The following FHAD1 variants were observed in gnomAD, a reference collection of about 807,000 sequenced individuals.
FHAD1 encodes the protein forkhead-associated domain-containing protein 1.
In FHAD1, 146 loss-of-function variants were observed where a neutral mutation model predicts 191.3. The ratio of observed to expected loss-of-function variants is 0.76; its 90% confidence interval spans 0.67 to 0.88. The LOEUF (loss-of-function observed/expected upper bound fraction) is 0.88, where lower values mean the gene tolerates loss of function less well. FHAD1 is among the 40% of genes least tolerant of loss of function. The pLI, the probability that FHAD1 is intolerant of heterozygous loss-of-function variation, is 0.00. For synonymous variants in FHAD1, 616 were observed against 672.3 expected, an observed-to-expected ratio of 0.92 and a Z score of 1.29; for missense variants, 1,635 against 1,785.8, an observed-to-expected ratio of 0.92 and a Z score of 1.52.
At chr1:15,337,448 C>T (rs11582833) in intron 14 of FHAD1, among the ~76,000 whole-genome samples, 11,590 of 152,244 alleles carry the variant, frequency 0.076, 561 homozygotes, top group African/African-American at 0.13. Context: ...AATACCTGGG[C>T]GTCTCTCGGG....
In FHAD1 at chr1:15,275,095, T is replaced by C. The variant is rs1030389449; in HGVS notation, c.300+2566T>C. Reference sequence around the variant, plus strand: ...CTCCTGCCTCAGCCTCCCGAGTAGCTGGGACTACAGGTGCCCACCACCATG... The same window carrying C: ...CTCCTGCCTCAGCCTCCCGAGTAGCCGGGACTACAGGTGCCCACCACCATG... On this transcript the variant is annotated intron_variant, in intron 3 of 33. Transcript: ENST00000688493. Among the ~76,000 whole-genome samples, 19 of 152,196 alleles carry C rather than the reference T, an allele frequency of 1.2e-4. No homozygotes were observed. In the South Asian group the frequency reaches 3.1e-3, roughly 25 times the overall value.
At position 15,385,577 on chromosome 1, in the gene FHAD1, G is replaced by C. The variant is rs112999335; in HGVS notation, c.4189-2474G>C. On this transcript the variant is annotated intron_variant, in intron 31 of 33. Transcript: ENST00000688493. Reference sequence around the variant, plus strand: ...GATGCAGGAGGATCACTTGAGACCAGCCTGGGCAACATAGCAAGACACCAC... The same window carrying C: ...GATGCAGGAGGATCACTTGAGACCACCCTGGGCAACATAGCAAGACACCAC... 2.0e-5 allele frequency among the ~76,000 whole-genome samples: 3 copies of C among 152,134 alleles called. No homozygotes were observed. In the South Asian group the frequency reaches 6.2e-4, roughly 32 times the overall value.
rs925559743 is a variant in FHAD1, at chr1:15,375,512, T to G, written c.3578-91T>G. The G allele has an allele frequency of 1.7e-5, 21 of 1,252,044 alleles. No homozygotes were observed. In the Admixed American group the frequency reaches 5.9e-4, roughly 35 times the overall value. The allele number at this position is 1,252,044 out of a possible 1,614,324, so 77.6% of individuals were successfully genotyped here. On this transcript the variant is annotated intron_variant, in intron 27 of 33. Coordinates refer to ENST00000688493, the MANE Select transcript of FHAD1 (RefSeq NM_001391957.1). ...GGTCGTAAGGATTAAAACAGGCCTG[T>G]GTAAGTGTCCTGTAAATAGTTGCTA...
rs555728669 is a variant in FHAD1, at chr1:15,334,085, C to T, written c.1906+4544C>T. Reference sequence around the variant, plus strand: ...GGGCTCAATCAACCCACTCAACTCCCAAAGTGCTGGTATTACCAGCGTGAG... The same window carrying T: ...GGGCTCAATCAACCCACTCAACTCCTAAAGTGCTGGTATTACCAGCGTGAG... On this transcript the variant is annotated intron_variant, in intron 14 of 33. Transcript: ENST00000688493. The T allele has an allele frequency of 8.0e-4, 122 of 152,128 alleles. 1 individual carries two copies. The highest frequency in any genetic ancestry group is 2.8e-3 in the African/African-American group (117 of 41,502). The allele number at this position is 152,128 out of a possible 1,614,324, so 9.4% of individuals were successfully genotyped here.
At position 15,329,269 on chromosome 1, in the gene FHAD1, G is replaced by A. The variant is rs544048665; in HGVS notation, c.1711-77G>A. 40 of 1,229,082 alleles carry A rather than the reference G, an allele frequency of 3.3e-5. No homozygotes were observed. The highest frequency in any genetic ancestry group is 2.1e-4 in the African/African-American group (14 of 66,076). 76.1% of individuals were successfully genotyped at this position (1,229,082 alleles called of 1,614,324 possible). ...CCTGCTTCGTGGCAGAGTCAAGAAC[G>A]CTGTTCCTCGAAGGTCACGTCAGGG... is the stretch of plus-strand genomic sequence containing the variant. On this transcript the variant is annotated intron_variant, in intron 13 of 33. Transcript: ENST00000688493. The surrounding 1 kb of genome is among the most constrained non-coding windows in gnomAD (Gnocchi z 5.0).
intron 1 of FHAD1, among the ~76,000 whole-genome samples, chr1:15,238,589 A>C (rs1645034842): frequency 6.6e-6 from 1 of 152,250 alleles, no homozygotes; most frequent in South Asian, 2.1e-4. Flanking sequence ...GTGTCAGCTT[A>C]TAAGCCACCC....
chr1:15,395,195 T>C (rs1209419557), intron 33 of FHAD1, among the ~76,000 whole-genome samples: 8 of 150,992 alleles, frequency 5.3e-5, no homozygotes, highest in Non-Finnish European at 1.2e-4. Context: ...GCACCTGTTG[T>C]CCCAGGTACT....
chr1:15,374,687 G>T, intron 27 of FHAD1, 56 bp downstream of exon 27: 1 of 1,540,090 alleles, frequency 6.5e-7, no homozygotes, highest in Non-Finnish European at 8.8e-7. Flanking sequence ...GCTCACTTTG[G>T]GGACTGACCA....
Position 15,339,597 on chromosome 1 carries a change from G to C in FHAD1, c.1977+46G>C, listed in dbSNP as rs192026156. ...TTTTCCAAAGTTCATTTCGGCCCCT[G>C]GTTGGCATTTATATAGCACTGTGCA... is the stretch of plus-strand genomic sequence containing the variant. On this transcript the variant is annotated intron_variant, in intron 15 of 33. Transcript: ENST00000688493. 802 of 1,044,068 alleles carry C rather than the reference G, an allele frequency of 7.7e-4. 4 individuals are homozygous for C. The African/African-American group carries it at 0.011, about 15-fold the overall frequency. 64.7% of individuals were successfully genotyped at this position (1,044,068 alleles called of 1,614,324 possible).
rs1227111717 is a variant in FHAD1 at position 15,324,733 on chromosome 1, G to A, written c.1473+174G>A. On this transcript the variant is annotated intron_variant, in intron 11 of 33. Transcript: ENST00000688493. ...GCAGCTCCCCACCCCCATGGACATC[G>A]CTTAACAGGTTTCTGCTGCTGGGAG... 3.1e-5 allele frequency: 19 copies of A among 606,870 alleles called. 1 individual carries two copies. The highest frequency in any genetic ancestry group is 1.1e-4 in the East Asian group (4 of 35,774). The allele number at this position is 606,870 out of a possible 1,614,324, so 37.6% of individuals were successfully genotyped here.
Position 15,328,326 on chromosome 1 carries a change from A to G in FHAD1, c.1607A>G (p.Gln536Arg). 1 of 1,545,822 alleles carries G rather than the reference A, an allele frequency of 6.5e-7. No homozygotes were observed. The highest frequency in any genetic ancestry group is 8.7e-7 in the Non-Finnish European group (1 of 1,145,278). The part of the protein sequence containing the change: ...QVTEDNINFQ[Q>R]KKWTLQKETQ... ...ACTGAGGACAACATCAATTTTCAGC[A>G]GAAAAAGTGGACCCTCCAGAAAGAG... Residue 536 changes from glutamine to arginine, a missense_variant, in exon 13 of 34, where the codon CAG becomes CGG. Coordinates refer to ENST00000688493, the MANE Select transcript of FHAD1 (RefSeq NM_001391957.1).
chr1:15,279,906 A>G (rs368942960), intron 3 of FHAD1, among the ~76,000 whole-genome samples: 7 of 152,180 alleles, frequency 4.6e-5, no homozygotes, highest in Non-Finnish European at 8.8e-5. Flanking sequence ...AAAAAAGCCC[A>G]TGGCAAGAAA....
chr1:15,298,559 T>C (rs1667650828), intron 5 of FHAD1, among the ~76,000 whole-genome samples: 1 of 152,180 alleles, frequency 6.6e-6, no homozygotes, highest in South Asian at 2.1e-4. Flanking sequence ...CAGTGGCCTC[T>C]GGGTTTCCAG....
intron 20 of FHAD1, among the ~76,000 whole-genome samples, chr1:15,354,314 G>A (rs1001648618): frequency 1.3e-5 from 2 of 152,164 alleles, no homozygotes; most frequent in South Asian, 2.1e-4. Context: ...TTTAAACAAC[G>A]CTGCTCTAGG....
Position 15,360,475 on chromosome 1 carries a change from C to G in FHAD1, c.2737-3C>G. 1 of 1,550,670 alleles carries G rather than the reference C, an allele frequency of 6.4e-7. No individual in the cohort carries two copies. Among genetic ancestry groups the G allele is most frequent in the Non-Finnish European group, 8.7e-7 (1 of 1,146,684 alleles). On this transcript the variant is annotated splice_region_variant and splice_polypyrimidine_tract_variant and intron_variant, in intron 21 of 33. Coordinates refer to ENST00000688493, the MANE Select transcript of FHAD1 (RefSeq NM_001391957.1). ...CCTCACTGAGTGACTCTCTGTTTCC[C>G]AGATCATGGTGGAAGAGCGGCTAAT...
intron 2 of FHAD1, among the ~76,000 whole-genome samples, chr1:15,262,491 T>C (rs1651542912): frequency 6.6e-6 from 1 of 152,164 alleles, no homozygotes; most frequent in African/African-American, 2.4e-5. Flanking sequence ...GGCTGGCCTC[T>C]AACGCCTGGG....
intron 24 of FHAD1, among the ~76,000 whole-genome samples, 176 bp from the exon 25 acceptor site, chr1:15,367,287 G>A (rs888610013): frequency 6.6e-6 from 1 of 152,096 alleles, no homozygotes; most frequent in Admixed American, 6.5e-5. Context: ...CCTGAGGTCA[G>A]GAGTTTGAGA....
At chr1:15,335,931 C>T (rs1317188685) in intron 14 of FHAD1, among the ~76,000 whole-genome samples, 1 of 152,164 alleles carries the variant, frequency 6.6e-6, no homozygotes, top group Non-Finnish European at 1.5e-5. Context: ...TCCTGGGTCA[C>T]ACGTTGCAGC....
chr1:15,365,487 T>TTTTTTTTTTTTTG (rs1696125511), intron 23 of FHAD1, among the ~76,000 whole-genome samples: 1 of 144,862 alleles, frequency 6.9e-6, no homozygotes, highest in African/African-American at 2.7e-5. Flanking sequence ...GCTAATTTTT[T>TTTTTTTTTTTTTG]TTTTTTTTTT....
Sources: gnomAD v4.1 joint callset for allele counts (sites outside exome capture counted in the v4.1 genomes callset) on GRCh38, gnomAD v4.1.1 for gene constraint, Gnocchi (gnomAD v3.1) non-coding constraint, MANE v1.5 for transcripts, NCBI Gene and HGNC (gene_info 2026-07-23, HGNC 2026-07-21) for gene names.